The following SLC22A23 variants were observed in gnomAD, a reference collection of about 807,000 sequenced individuals.
SLC22A23 encodes ion transporter protein.
A neutral mutation model predicts 61.0 loss-of-function variants in SLC22A23; 26 were observed. The ratio of observed to expected loss-of-function variants is 0.43; its 90% CI spans 0.31 to 0.59. SLC22A23 has a LOEUF of 0.59. Ranked by LOEUF, SLC22A23 falls within the 20% of genes least tolerant of loss-of-function variation. The pLI is 0.11. For synonymous variants in SLC22A23, 430 were observed against 413.9 expected, an observed-to-expected ratio of 1.04 and a Z score of -0.47; for missense variants, 796 against 934.7, an observed-to-expected ratio of 0.85 and a Z score of 1.94.
intron 3 of SLC22A23, among the ~76,000 whole-genome samples, chr6:3,367,827 T>C (rs1765935297): frequency 6.6e-6 from 1 of 152,190 alleles, no homozygotes; most frequent in South Asian, 2.1e-4. Flanking sequence ...CAACTGGGAC[T>C]CAAATCAGTA....
chr6:3,327,050 G>A lies in SLC22A23; in HGVS notation c.914-3048C>T, dbSNP rs552463209. Among the ~76,000 whole-genome samples the A allele has an allele frequency of 6.7e-6, 1 of 149,530 alleles. No homozygotes were observed. The highest frequency in any genetic ancestry group is 2.5e-5 in the African/African-American group (1 of 39,442). On this transcript the variant is annotated intron_variant, in intron 3 of 9. Coordinates refer to ENST00000406686, the MANE Select transcript of SLC22A23 (RefSeq NM_015482.2). The surrounding 1 kb of genome is among the most constrained non-coding windows in gnomAD (Gnocchi z 4.1). ...GTGGATCGTTTCTGCTGGGAGGGAC[G>A]GGGACTGCAGGTGGATCGTTTCTGC...
chr6:3,450,467 C>T (rs937715738), intron 1 of SLC22A23, among the ~76,000 whole-genome samples: 50 of 152,080 alleles, frequency 3.3e-4, no homozygotes, highest in African/African-American at 1.1e-3. Flanking sequence ...CCACCATGCC[C>T]GGCTAATTTT....
intron 9 of SLC22A23, among the ~76,000 whole-genome samples, chr6:3,280,620 T>C (rs889401272): frequency 3.4e-5 from 5 of 149,196 alleles, no homozygotes; most frequent in South Asian, 4.3e-4. Context: ...CTCAGCCTCC[T>C]GAGTAGCTGG....
At chr6:3,290,888 G>A (rs1760522675) in intron 5 of SLC22A23, 1 of 152,276 alleles carries the variant, frequency 6.6e-6, no homozygotes, top group Non-Finnish European at 1.5e-5. Context: ...GAAGCGGAGG[G>A]GAACCAGGAC....
chr6:3,346,532 T>C (rs561295452), intron 3 of SLC22A23, among the ~76,000 whole-genome samples: 5 of 152,330 alleles, frequency 3.3e-5, no homozygotes, highest in African/African-American at 9.6e-5. Flanking sequence ...GTCCCCTCCG[T>C]ATCTGCTGCC....
intron 9 of SLC22A23, 33 bp from the exon 10 acceptor site, chr6:3,273,445 T>C (rs968694676): frequency 3.7e-5 from 60 of 1,606,488 alleles, no homozygotes; most frequent in Non-Finnish European, 5.0e-5. Flanking sequence ...GGATTGCTGC[T>C]GTGGGCTAGC....
rs1415568857 is a variant in SLC22A23, at chr6:3,289,853, CTCTT to C, written c.1220_1223del (p.Lys407SerfsTer12). 1 of 1,614,008 alleles carries C rather than the reference CTCTT, an allele frequency of 6.2e-7. No homozygotes were observed. The highest frequency in any genetic ancestry group is 8.5e-7 in the Non-Finnish European group (1 of 1,180,020). Reference sequence around the variant, plus strand: ...AGACCTTCTTGGGCCTCCGGGAAAGCTCTTTCTCCAGCTCTGCAAAGAAACAGAC... The same window carrying C: ...AGACCTTCTTGGGCCTCCGGGAAAGCTCTCCAGCTCTGCAAAGAAACAGAC... On this transcript the variant is annotated frameshift_variant, in exon 6 of 10. Transcript: ENST00000406686. LOFTEE classifies it high-confidence loss of function.
chr6:3,274,417 C>T (rs777687674), intron 9 of SLC22A23, among the ~76,000 whole-genome samples: 7 of 152,304 alleles, frequency 4.6e-5, no homozygotes, highest in Middle Eastern at 6.8e-3. Context: ...GTGTGCCTCG[C>T]TCCACAGCAG....
intron 3 of SLC22A23, among the ~76,000 whole-genome samples, chr6:3,350,347 T>G (rs926446391): frequency 6.6e-6 from 1 of 152,240 alleles, no homozygotes; most frequent in Non-Finnish European, 1.5e-5. Flanking sequence ...ATGCACTGCC[T>G]GATTTTATTC....
At chr6:3,444,706 T>G in intron 1 of SLC22A23, 1 of 761,420 alleles carries the variant, frequency 1.3e-6, no homozygotes, top group Non-Finnish European at 1.6e-6. Context: ...TGTGGCCCGG[T>G]GACCTGTTTT....
rs893683351 is a variant in SLC22A23, at chr6:3,322,939, G to A, written c.1082+895C>T. 2.6e-5 allele frequency among the ~76,000 whole-genome samples: 4 copies of A among 152,108 alleles called. No homozygotes were observed. The highest frequency in any genetic ancestry group is 9.7e-5 in the African/African-American group (4 of 41,406). On this transcript the variant is annotated intron_variant, in intron 4 of 9. Coordinates refer to ENST00000406686, the MANE Select transcript of SLC22A23 (RefSeq NM_015482.2). This position sits in a 1 kb window ranked among gnomAD's most constrained non-coding sequence, Gnocchi z 4.1. Reference sequence around the variant, plus strand: ...AGCATGGAGAGGGATGGGAAGGAAGGGAAAGGATGAAAAACAGCATTTATA... The same window carrying A: ...AGCATGGAGAGGGATGGGAAGGAAGAGAAAGGATGAAAAACAGCATTTATA...
chr6:3,369,861 T>C (rs551881062), intron 3 of SLC22A23, among the ~76,000 whole-genome samples: 2 of 152,376 alleles, frequency 1.3e-5, no homozygotes, highest in African/African-American at 4.8e-5. Flanking sequence ...TGGTTTTCAA[T>C]GAATCTCAAG....
Position 3,271,682 on chromosome 6 carries a change from G to GT in SLC22A23, c.*1372dup, listed in dbSNP as rs1561850562. On this transcript the variant is annotated 3_prime_UTR_variant, in exon 10 of 10. Coordinates refer to ENST00000406686, the MANE Select transcript of SLC22A23 (RefSeq NM_015482.2). ...CTGGTGCCCAAGTTGCTACAAAGTG[G>GT]TGCCTGCCCTTGCCAAGGAGGCTGT... is the stretch of plus-strand genomic sequence containing the variant. 1 of 152,352 alleles carries GT rather than the reference G, an allele frequency of 6.6e-6. No individual in the cohort carries two copies. The allele number at this position is 152,352 out of a possible 1,614,324, so 9.4% of individuals were successfully genotyped here. A position where few individuals can be genotyped will look rare whatever the true frequency, so the allele number is the denominator to read the frequency against.
chr6:3,366,528 T>A (rs1387660587), intron 3 of SLC22A23, among the ~76,000 whole-genome samples: 3 of 151,958 alleles, frequency 2.0e-5, no homozygotes, highest in African/African-American at 7.3e-5. Context: ...CCTAGCACAG[T>A]TCCTGACTCA....
rs1490807777 is a variant in SLC22A23, at chr6:3,360,186, T to C, written c.914-36184A>G. On this transcript the variant is annotated intron_variant, in intron 3 of 9. Transcript: ENST00000406686. The surrounding 1 kb of genome is among the most constrained non-coding windows in gnomAD (Gnocchi z 4.6). ...GACCTCTAGAGATGAAGGGTGGTGA[T>C]GGCTGTGTAAAAATGTGAATTACTT... Among the ~76,000 whole-genome samples the C allele has an allele frequency of 6.6e-6, 1 of 152,206 alleles. No homozygotes were observed. The highest frequency in any genetic ancestry group is 1.5e-5 in the Non-Finnish European group (1 of 68,042).
chr6:3,362,588 C>T (rs1765548756), intron 3 of SLC22A23, among the ~76,000 whole-genome samples: 1 of 151,928 alleles, frequency 6.6e-6, no homozygotes, highest in South Asian at 2.1e-4. Context: ...ATGAGCACAG[C>T]AAAGCCCCCC....
At chr6:3,423,063 T>C (rs1315871923) in intron 1 of SLC22A23, among the ~76,000 whole-genome samples, 1 of 152,098 alleles carries the variant, frequency 6.6e-6, no homozygotes, top group Non-Finnish European at 1.5e-5. Flanking sequence ...TTTCTTCAAA[T>C]GACAACTCTA....
At chr6:3,295,925 C>T (rs1218858332) in intron 5 of SLC22A23, among the ~76,000 whole-genome samples, 1 of 152,246 alleles carries the variant, frequency 6.6e-6, no homozygotes, top group East Asian at 1.9e-4. Context: ...CTGCCTGGGA[C>T]TCTGGAAAGG....
intron 6 of SLC22A23, among the ~76,000 whole-genome samples, chr6:3,287,368 C>A (rs1186586232): frequency 6.6e-6 from 1 of 152,220 alleles, no homozygotes; most frequent in East Asian, 1.9e-4. Flanking sequence ...GCAGTGAGTC[C>A]TTTTGTTAAA....
Sources: gnomAD v4.1 joint callset for allele counts (sites outside exome capture counted in the v4.1 genomes callset) on GRCh38, gnomAD v4.1.1 for gene constraint, Gnocchi (gnomAD v3.1) non-coding constraint, MANE v1.5 for transcripts, NCBI Gene and HGNC (gene_info 2026-07-23, HGNC 2026-07-21) for gene names.